Variants in ABTB3 observed in about 807,000 individuals in gnomAD.
ABTB3 encodes the protein ankyrin repeat and BTB domain containing 3, also known as ankyrin repeat- and BTB/POZ domain-containing protein 3.
At chr12:107,425,908 C>T in the ABTB3 span, among the ~76,000 whole-genome samples, 4 of 152,208 alleles carry the variant, frequency 2.6e-5, no homozygotes, top group African/African-American at 9.6e-5. Flanking sequence ...AAGCCTCCAC[C>T]CAGTTGGGTT....
the ABTB3 span, among the ~76,000 whole-genome samples, chr12:107,402,582 T>C: frequency 6.6e-6 from 1 of 152,162 alleles, no homozygotes; most frequent in Non-Finnish European, 1.5e-5. Context: ...TGGGGCTTTT[T>C]GCTCTTATTC....
the ABTB3 span, among the ~76,000 whole-genome samples, chr12:107,339,606 T>C: frequency 1.3e-5 from 2 of 152,112 alleles, no homozygotes; most frequent in African/African-American, 4.8e-5. Context: ...GTGTTTTCAT[T>C]TGGGTTAAGC....
At chr12:107,571,825 C>T in the ABTB3 span, among the ~76,000 whole-genome samples, 1 of 152,244 alleles carries the variant, frequency 6.6e-6, no homozygotes, top group Non-Finnish European at 1.5e-5. Context: ...GAGGCACAGG[C>T]TGGCTGGCTG....
the ABTB3 span, among the ~76,000 whole-genome samples, chr12:107,377,104 C>G: frequency 7.9e-5 from 12 of 152,204 alleles, no homozygotes; most frequent in Non-Finnish European, 1.3e-4. Context: ...TCTCAGCTTT[C>G]TGTCTGCTTT....
chr12:107,582,438 C>T, the ABTB3 span, among the ~76,000 whole-genome samples: 1 of 152,170 alleles, frequency 6.6e-6, no homozygotes, highest in African/African-American at 2.4e-5. Flanking sequence ...GCCCTGGGAT[C>T]ATAGTTCTAA....
At chr12:107,366,089 T>C in the ABTB3 span, among the ~76,000 whole-genome samples, 33 of 152,316 alleles carry the variant, frequency 2.2e-4, 2 homozygotes, top group Admixed American at 1.4e-3. Flanking sequence ...GCTGAGAGTG[T>C]GCCACCTTCT....
chr12:107,508,406 C>G, the ABTB3 span, among the ~76,000 whole-genome samples: 2 of 140,226 alleles, frequency 1.4e-5, no homozygotes, highest in Non-Finnish European at 3.1e-5. Flanking sequence ...GGTCCATTGC[C>G]ATGATGTTAA....
At chr12:107,634,616 C>T in the ABTB3 span, among the ~76,000 whole-genome samples, 8 of 152,112 alleles carry the variant, frequency 5.3e-5, no homozygotes, top group Non-Finnish European at 7.4e-5. Context: ...GATTAATGAA[C>T]GGAAATGGCT....
the ABTB3 span, among the ~76,000 whole-genome samples, chr12:107,607,865 T>C: frequency 6.6e-6 from 1 of 152,266 alleles, no homozygotes; most frequent in African/African-American, 2.4e-5. Context: ...TCGCATCCAC[T>C]TCTTGGGGCT....
At chr12:107,574,472 C>A in the ABTB3 span, among the ~76,000 whole-genome samples, 2 of 152,322 alleles carry the variant, frequency 1.3e-5, no homozygotes, top group Non-Finnish European at 2.9e-5. Context: ...CCTCTAATCC[C>A]AGCTCTTTGG....
chr12:107,593,945 A>G, the ABTB3 span, among the ~76,000 whole-genome samples: 2 of 152,206 alleles, frequency 1.3e-5, no homozygotes, highest in Non-Finnish European at 2.9e-5. Context: ...ATGCCCATAC[A>G]TAGCTGCAAG....
At chr12:107,488,798 A>G in the ABTB3 span, among the ~76,000 whole-genome samples, 3 of 152,082 alleles carry the variant, frequency 2.0e-5, no homozygotes, top group Admixed American at 2.0e-4. Context: ...GAAGAGAGGA[A>G]TTGGGCAGGA....
At chr12:107,655,256 A>AATATATATATATATATATATATATATAT in the ABTB3 span, among the ~76,000 whole-genome samples, 1 of 148,766 alleles carries the variant, frequency 6.7e-6, no homozygotes, top group African/African-American at 2.5e-5. Flanking sequence ...GCCTCTTTCA[A>AATATATATATATATATATATATATATAT]ATATATATAT....
chr12:107,644,769 C>T, the ABTB3 span, among the ~76,000 whole-genome samples: 4,321 of 152,152 alleles, frequency 0.028, 247 homozygotes, highest in African/African-American at 0.098. Flanking sequence ...CTATTGTTCC[C>T]TTCTTTGTGT....
At chr12:107,561,127 A>G in the ABTB3 span, among the ~76,000 whole-genome samples, 1 of 152,132 alleles carries the variant, frequency 6.6e-6, no homozygotes, top group Non-Finnish European at 1.5e-5. Context: ...ACCTGGAGCA[A>G]GCTCTTTTTG....
the ABTB3 span, among the ~76,000 whole-genome samples, chr12:107,574,283 A>T: frequency 2.6e-5 from 4 of 152,106 alleles, no homozygotes; most frequent in African/African-American, 9.7e-5. Flanking sequence ...TGGACCTGTG[A>T]CCCCTTTTCC....
At chr12:107,573,575 T>C in the ABTB3 span, among the ~76,000 whole-genome samples, 180 of 152,260 alleles carry the variant, frequency 1.2e-3, 2 homozygotes, top group Admixed American at 3.9e-3. Context: ...CACACATATA[T>C]TACTGGTTTT....
the ABTB3 span, among the ~76,000 whole-genome samples, chr12:107,592,716 A>T: frequency 1.3e-5 from 2 of 152,260 alleles, no homozygotes; most frequent in African/African-American, 4.8e-5. Context: ...TATATGTAGT[A>T]AAAAGAATAA....
At chr12:107,395,286 A>G in the ABTB3 span, among the ~76,000 whole-genome samples, 2 of 151,758 alleles carry the variant, frequency 1.3e-5, no homozygotes, top group African/African-American at 2.4e-5. Context: ...TTTCATTAGT[A>G]CTTCCTCCTG....
Sources: allele counts gnomAD v4.1 joint callset (sites outside exome capture counted in the v4.1 genomes callset), GRCh38; gene constraint gnomAD v4.1.1; transcripts MANE v1.5; gene names NCBI Gene and HGNC (gene_info 2026-07-23, HGNC 2026-07-21).